KALRN: variants seen among roughly 807,000 people sequenced by gnomAD.
KALRN encodes kalirin.
A neutral mutation model predicts 353.7 loss-of-function variants in KALRN; 70 were observed. That is an observed-to-expected ratio of 0.20 (90% confidence interval 0.16 to 0.24). The LOEUF (loss-of-function observed/expected upper bound fraction) is 0.24. Among genes scored for constraint, KALRN ranks in the 10% least tolerant of loss-of-function variants. The pLI is 1.00. For missense variants in KALRN, 2,791 were observed against 3,756.7 expected, an observed-to-expected ratio of 0.74 and a Z score of 6.72; for synonymous variants, 1,391 against 1,434.8, an observed-to-expected ratio of 0.97 and a Z score of 0.69.
chr3:124,693,847 T>C lies in KALRN; in HGVS notation c.7405+16T>C. The C allele has an allele frequency of 6.5e-7, 1 of 1,546,922 alleles. No homozygotes were observed. Among genetic ancestry groups the C allele is most frequent in the Non-Finnish European group, 8.8e-7 (1 of 1,130,464 alleles). The stretch of plus-strand genomic sequence containing the variant: ...ATCCAAGAAGGTGAGTTAAAAAGCA[T>C]TAGAATTGGAAACATGGGGATTGGT... On this transcript the variant is annotated intron_variant, in intron 52 of 59. Transcript: ENST00000682506.
At chr3:124,681,254 T>TA (rs2087736999) in intron 51 of KALRN, among the ~76,000 whole-genome samples, 1 of 152,176 alleles carries the variant, frequency 6.6e-6, no homozygotes, top group African/African-American at 2.4e-5. Context: ...TACACTTAGA[T>TA]AAAAAACATG....
intron 5 of KALRN, among the ~76,000 whole-genome samples, chr3:124,274,377 G>A (rs2148972375): frequency 6.6e-6 from 1 of 152,358 alleles, no homozygotes; most frequent in East Asian, 1.9e-4. Flanking sequence ...TTTCAGGGAA[G>A]GAGCAGAGCT....
At chr3:124,181,768 CTGTT>C (rs2073630985) in intron 1 of KALRN, among the ~76,000 whole-genome samples, 1 of 152,270 alleles carries the variant, frequency 6.6e-6, no homozygotes, top group African/African-American at 2.4e-5. Context: ...CTGTGCAACA[CTGTT>C]TGTAGTGGAA....
At chr3:124,099,001 G>A (rs771638584) in intron 1 of KALRN, among the ~76,000 whole-genome samples, 3 of 152,096 alleles carry the variant, frequency 2.0e-5, no homozygotes, top group Non-Finnish European at 4.4e-5. Flanking sequence ...CATAATAATC[G>A]TACATATTTA....
In KALRN at chr3:124,299,044, G is replaced by T. The variant is rs894042564; in HGVS notation, c.1092+131G>T. On this transcript the variant is annotated intron_variant, in intron 6 of 59. Transcript: ENST00000682506. Reference sequence around the variant, plus strand: ...ATGCTGACCCTTTGGTGTTCCATTTGTTGGAATGGGGATGAGTGCAGGGCA... The same window carrying T: ...ATGCTGACCCTTTGGTGTTCCATTTTTTGGAATGGGGATGAGTGCAGGGCA... 7 of 1,222,846 alleles carry T rather than the reference G, an allele frequency of 5.7e-6. No individual in the cohort carries two copies. The African/African-American group carries it at 7.4e-5, about 13-fold the overall frequency. 75.7% of individuals were successfully genotyped at this position (1,222,846 alleles called of 1,614,324 possible).
chr3:124,154,463 A>G (rs990282122), intron 1 of KALRN, among the ~76,000 whole-genome samples: 4 of 152,212 alleles, frequency 2.6e-5, no homozygotes, highest in Non-Finnish European at 4.4e-5. Context: ...CTTATACACG[A>G]ATAACAGACA....
At chr3:124,119,214 A>C (rs2063742536) in intron 1 of KALRN, among the ~76,000 whole-genome samples, 1 of 152,182 alleles carries the variant, frequency 6.6e-6, no homozygotes, top group African/African-American at 2.4e-5. Flanking sequence ...GAGACAGTGC[A>C]ACTGTTGCAC....
intron 1 of KALRN, among the ~76,000 whole-genome samples, chr3:124,036,847 T>C (rs1047221453): frequency 6.6e-6 from 1 of 152,248 alleles, no homozygotes; most frequent in African/African-American, 2.4e-5. Flanking sequence ...TTGTTTGTCC[T>C]CTTCTGATCA....
chr3:124,082,473 T>A (rs1464732580), intron 1 of KALRN: 2 of 356,398 alleles, frequency 5.6e-6, no homozygotes, highest in Non-Finnish European at 1.1e-5. Flanking sequence ...GTGGTGCCAG[T>A]TCTGCTTCAG....
intron 34 of KALRN, among the ~76,000 whole-genome samples, chr3:124,621,438 A>G (rs757630415): frequency 3.0e-4 from 46 of 152,248 alleles, no homozygotes; most frequent in Non-Finnish European, 6.3e-4. Flanking sequence ...AACTAGGTCT[A>G]AAAGTGGTGG....
At chr3:124,545,187 A>G (rs1409696431) in intron 33 of KALRN, among the ~76,000 whole-genome samples, 1 of 152,220 alleles carries the variant, frequency 6.6e-6, no homozygotes, top group Non-Finnish European at 1.5e-5. Flanking sequence ...ACATTGACCA[A>G]TAATCCTACC....
At chr3:124,510,200 C>T (rs2065741020) in intron 33 of KALRN, among the ~76,000 whole-genome samples, 1 of 152,172 alleles carries the variant, frequency 6.6e-6, no homozygotes, top group South Asian at 2.1e-4. Flanking sequence ...ACTAAAGCTT[C>T]CAGTTTGGGA....
chr3:124,331,345 T>A (rs1560585905), intron 8 of KALRN, among the ~76,000 whole-genome samples: 1 of 152,194 alleles, frequency 6.6e-6, no homozygotes, highest in Admixed American at 6.5e-5. Context: ...CTAAGTGAAG[T>A]AACTCAGGAA....
chr3:124,349,548 A>C (rs1018802466), intron 10 of KALRN, among the ~76,000 whole-genome samples: 1 of 152,172 alleles, frequency 6.6e-6, no homozygotes, highest in Non-Finnish European at 1.5e-5. Flanking sequence ...AAAAGATTGG[A>C]CACCCCTGGT....
At chr3:124,507,568 A>G (rs1182758122) in intron 33 of KALRN, among the ~76,000 whole-genome samples, 1 of 152,214 alleles carries the variant, frequency 6.6e-6, no homozygotes, top group Non-Finnish European at 1.5e-5. Flanking sequence ...ACAAAATTTA[A>G]TTGTGTCCAT....
intron 11 of KALRN, among the ~76,000 whole-genome samples, chr3:124,392,264 A>C (rs1003874308): frequency 6.6e-6 from 1 of 152,126 alleles, no homozygotes; most frequent in Admixed American, 6.5e-5. Flanking sequence ...GGGTCTTACC[A>C]TGTTGTCTAA....
intron 5 of KALRN, among the ~76,000 whole-genome samples, chr3:124,291,419 T>G (rs2076411122): frequency 1.3e-5 from 2 of 152,178 alleles, no homozygotes; most frequent in Admixed American, 1.3e-4. Flanking sequence ...AGCAACATGT[T>G]GGCACATACC....
chr3:124,461,581 A>G (rs1012105563), intron 23 of KALRN, among the ~76,000 whole-genome samples: 1 of 152,184 alleles, frequency 6.6e-6, no homozygotes, highest in South Asian at 2.1e-4. Flanking sequence ...CTGTACTCAC[A>G]TGAATATCAC....
In KALRN at chr3:124,234,854, C is replaced by A; in HGVS notation, c.174C>A (p.Pro58=). 1 of 1,606,606 alleles carries A rather than the reference C, an allele frequency of 6.2e-7. No individual in the cohort carries two copies. ...VSGGRDKRGG[P]ILTFPARSNH... ...GGGGTCGTGATAAGCGAGGCGGACC[C>A]ATCCTGACCTTCCCTGCTCGCAGCA... Residue 58 remains proline (P), a synonymous_variant, in exon 3 of 60, where the codon CCC becomes CCA. Transcript: ENST00000682506.
Sources: allele counts gnomAD v4.1 joint callset (sites outside exome capture counted in the v4.1 genomes callset), GRCh38; gene constraint gnomAD v4.1.1; transcripts MANE v1.5; gene names NCBI Gene and HGNC (gene_info 2026-07-23, HGNC 2026-07-21).